The following RALY variants were observed in gnomAD, a reference collection of about 807,000 sequenced individuals.
RALY encodes the protein RALY heterogeneous nuclear ribonucleoprotein.
Under a neutral mutation model 30.7 loss-of-function variants are expected in RALY, and 15 were observed. That is an observed-to-expected ratio of 0.49 (90% CI 0.33 to 0.75). The LOEUF (loss-of-function observed/expected upper bound fraction) is 0.75, where lower values mean the gene tolerates loss of function less well. RALY is among the 30% of genes least tolerant of loss of function. RALY has a pLI of 0.02. For synonymous variants in RALY, 177 were observed against 170.8 expected, an observed-to-expected ratio of 1.04 and a Z score of -0.28; for missense variants, 339 against 414.3, an observed-to-expected ratio of 0.82 and a Z score of 1.58.
At position 34,081,404 on chromosome 20, in the gene RALY, C is replaced by T. The variant is rs2034027933; in HGVS notation, c.*1499C>T. 6.6e-6 allele frequency: 1 copy of T among 152,244 alleles called. No individual in the cohort carries two copies. The highest frequency in any genetic ancestry group is 2.4e-5 in the African/African-American group (1 of 41,444). 9.4% of individuals were successfully genotyped at this position (152,244 alleles called of 1,614,324 possible). ...GCCACCTCTGAGAAGTCTCCCAGAC[C>T]CTCCGACTGCTCTTTAATTGCCTGT... On this transcript the variant is annotated 3_prime_UTR_variant, in exon 10 of 10. Transcript: ENST00000246194.
At chr20:34,027,780 AC>A (rs2032098953) in intron 1 of RALY, among the ~76,000 whole-genome samples, 5 of 152,388 alleles carry the variant, frequency 3.3e-5, no homozygotes, top group Admixed American at 3.3e-4. Flanking sequence ...TATTCAGCTT[AC>A]AAGAAGAACC....
chr20:34,028,616 A>G (rs1270345367), intron 1 of RALY, among the ~76,000 whole-genome samples: 1 of 142,240 alleles, frequency 7.0e-6, no homozygotes, highest in Non-Finnish European at 1.5e-5. Context: ...AGGCAGGAGA[A>G]TGGTGTGAAC....
At chr20:34,068,755 A>G (rs929284135) in intron 2 of RALY, among the ~76,000 whole-genome samples, 5 of 152,202 alleles carry the variant, frequency 3.3e-5, no homozygotes, top group Non-Finnish European at 7.3e-5. Context: ...AGGGAGACCT[A>G]GCCTGGCTCT....
At chr20:34,077,960 C>T (rs780846984) in intron 8 of RALY, among the ~76,000 whole-genome samples, 4 of 152,216 alleles carry the variant, frequency 2.6e-5, no homozygotes, top group African/African-American at 7.2e-5. Context: ...GGCATCAGCT[C>T]GTAGGGACTG....
In RALY at chr20:34,060,060, T is replaced by A. The variant is rs2033370193; in HGVS notation, c.-9-12006T>A. On this transcript the variant is annotated intron_variant, in intron 2 of 9. Coordinates refer to ENST00000246194, the MANE Select transcript of RALY (RefSeq NM_016732.3). ...AAGTACCTACTCTTGTCTTTCCTTT[T>A]ATGTTCAAGGCACATTTCCAAATAC... Among the ~76,000 whole-genome samples, 3 of 152,240 alleles carry A rather than the reference T, an allele frequency of 2.0e-5. No homozygotes were observed. The South Asian group carries it at 6.2e-4, about 31-fold the overall frequency.
chr20:34,019,564 T>C (rs2031737478), intron 1 of RALY, among the ~76,000 whole-genome samples: 1 of 152,148 alleles, frequency 6.6e-6, no homozygotes. Flanking sequence ...ATCCCCATGT[T>C]CTAGTAATCT....
chr20:34,014,998 G>C (rs2031550535), intron 1 of RALY: 1 of 152,176 alleles, frequency 6.6e-6, no homozygotes, highest in Non-Finnish European at 1.5e-5. Flanking sequence ...TGGAATTCTT[G>C]AGAGAGAACT....
At chr20:33,998,934 C>CTT (rs2030771920) in intron 1 of RALY, among the ~76,000 whole-genome samples, 2 of 151,840 alleles carry the variant, frequency 1.3e-5, no homozygotes, top group Non-Finnish European at 2.9e-5. Context: ...TGAGACTAGC[C>CTT]TGGCCAACGT....
chr20:34,003,550 G>T (rs927901070), intron 1 of RALY, among the ~76,000 whole-genome samples: 1 of 151,970 alleles, frequency 6.6e-6, no homozygotes, highest in Non-Finnish European at 1.5e-5. Context: ...ACTGTTCAGC[G>T]GGAACAGTGA....
At chr20:33,998,942 C>T (rs6088372) in intron 1 of RALY, among the ~76,000 whole-genome samples, 12,914 of 151,678 alleles carry the variant, frequency 0.085, 769 homozygotes, top group Non-Finnish European at 0.13. Flanking sequence ...GCCTGGCCAA[C>T]GTGGTGAAAC....
intron 3 of RALY, among the ~76,000 whole-genome samples, chr20:34,072,729 T>C (rs1187138163): frequency 6.6e-6 from 1 of 152,338 alleles, no homozygotes; most frequent in East Asian, 1.9e-4. Context: ...ACGCTTGGTT[T>C]TGGTGTCATG....
chr20:34,052,258 T>G (rs929180234), intron 2 of RALY, among the ~76,000 whole-genome samples: 1 of 152,256 alleles, frequency 6.6e-6, no homozygotes, highest in Non-Finnish European at 1.5e-5. Flanking sequence ...CCAAATTTCC[T>G]CTTCTTATTT....
Position 34,077,062 on chromosome 20 carries a change from C to CGGCGGCGGCGGTGGTGGT in RALY, c.697_714dup (p.Gly233_Gly238dup). ...AGAAGGGTGATGGAGGTGGCGCCGGCGGCGGCGGCGGTGGTGGTGGCAGCG... is the reference window on the plus strand; with the variant it reads ...AGAAGGGTGATGGAGGTGGCGCCGGCGGCGGCGGCGGTGGTGGTGGCGGCGGCGGTGGTGGTGGCAGCG... On this transcript the variant is annotated inframe_insertion, in exon 8 of 10. Coordinates refer to ENST00000246194, the MANE Select transcript of RALY (RefSeq NM_016732.3). 1 of 1,568,684 alleles carries CGGCGGCGGCGGTGGTGGT rather than the reference C, an allele frequency of 6.4e-7. No individual in the cohort carries two copies. Among genetic ancestry groups the CGGCGGCGGCGGTGGTGGT allele is most frequent in the Non-Finnish European group, 8.7e-7 (1 of 1,143,070 alleles).
intron 2 of RALY, among the ~76,000 whole-genome samples, chr20:34,057,034 G>A (rs193073271): frequency 3.9e-5 from 6 of 152,138 alleles, no homozygotes; most frequent in African/African-American, 1.4e-4. Context: ...TCTAAACTAT[G>A]ATAAATCTAC....
chr20:34,038,055 T>G (rs2032566217), intron 2 of RALY, among the ~76,000 whole-genome samples: 1 of 152,216 alleles, frequency 6.6e-6, no homozygotes, highest in Admixed American at 6.5e-5. Context: ...ATTGCTGTCA[T>G]AGCAAAGCAA....
intron 1 of RALY, among the ~76,000 whole-genome samples, chr20:34,001,551 C>T (rs1302001247): frequency 6.6e-6 from 1 of 152,148 alleles, no homozygotes; most frequent in African/African-American, 2.4e-5. Flanking sequence ...ATTTAGCTGT[C>T]TCCTGTTTAT....
intron 3 of RALY, among the ~76,000 whole-genome samples, chr20:34,072,580 T>C (rs2033758460): frequency 6.6e-6 from 1 of 152,236 alleles, no homozygotes; most frequent in African/African-American, 2.4e-5. Flanking sequence ...GCTTTACAGT[T>C]CCAGTTAAAA....
At chr20:34,004,073 T>C (rs1012343910) in intron 1 of RALY, among the ~76,000 whole-genome samples, 1 of 152,208 alleles carries the variant, frequency 6.6e-6, no homozygotes, top group Non-Finnish European at 1.5e-5. Context: ...GTTATAGATA[T>C]GAATTTTAAG....
Position 34,025,906 on chromosome 20 carries a change from T to TG in RALY, c.-92-5616_-92-5615insG, listed in dbSNP as rs1218407859. Among the ~76,000 whole-genome samples, 17 of 142,618 alleles carry TG rather than the reference T, an allele frequency of 1.2e-4. 1 individual carries two copies. Among genetic ancestry groups the TG allele is most frequent in the African/African-American group, 3.7e-4 (15 of 40,202 alleles). 93.6% of individuals were successfully genotyped at this position (142,618 alleles called of 152,430 possible). A position where few individuals can be genotyped will look rare whatever the true frequency, so the allele number is the denominator to read the frequency against. On this transcript the variant is annotated intron_variant, in intron 1 of 9. Coordinates refer to ENST00000246194, the MANE Select transcript of RALY (RefSeq NM_016732.3). Reference sequence around the variant, plus strand: ...AGCAGTAGATTCCTGGTTGTTTTTTTTTTTTTTTTTTTTTTGTGGGGGGTG... The same window carrying TG: ...AGCAGTAGATTCCTGGTTGTTTTTTTGTTTTTTTTTTTTTTTGTGGGGGGTG...
Sources: allele counts gnomAD v4.1 joint callset (sites outside exome capture counted in the v4.1 genomes callset), GRCh38; gene constraint gnomAD v4.1.1; transcripts MANE v1.5; gene names NCBI Gene and HGNC (gene_info 2026-07-23, HGNC 2026-07-21).